Variants in GP6 observed in about 807,000 individuals in gnomAD.
GP6 encodes the protein platelet glycoprotein VI.
Under a neutral mutation model 37.3 loss-of-function variants are expected in GP6, and 45 were observed. The observed-to-expected ratio is 1.21, with a 90% CI of 0.95 to 1.55. The LOEUF (loss-of-function observed/expected upper bound fraction) is 1.55. Ranked by LOEUF, GP6 falls within the 40% of genes most tolerant of loss-of-function variation. GP6 has a pLI of 0.00. For missense variants in GP6, 813 were observed against 760.2 expected (o/e 1.07, Z -0.82); for synonymous variants, 340 against 316.4 (o/e 1.07, Z -0.79).
rs775151408 is a variant in GP6 at position 55,032,305 on chromosome 19, G to A, written c.159C>T (p.Gly53=). ...GCTTCTCCAGGCGGTACAGGTCCACGCCCGGAGGTCCCTGGCACCGGAGGG... is the reference window on the plus strand; with the variant it reads ...GCTTCTCCAGGCGGTACAGGTCCACACCCGGAGGTCCCTGGCACCGGAGGG... Residue 53 remains glycine, a synonymous_variant, in exon 3 of 8, where the codon GGC becomes GGT. Coordinates refer to ENST00000310373, the MANE Select transcript of GP6 (RefSeq NM_001083899.2). The A allele has an allele frequency of 9.9e-6, 16 of 1,614,112 alleles. No individual in the cohort carries two copies. The highest frequency in any genetic ancestry group is 1.6e-4 in the Middle Eastern group (1 of 6,062).
intron 5 of GP6, among the ~76,000 whole-genome samples, chr19:55,024,952 A>G (rs1277212274): frequency 6.6e-6 from 1 of 152,168 alleles, no homozygotes; most frequent in African/African-American, 2.4e-5. Context: ...GCTGGACTCC[A>G]CAGTATAGCA....
chr19:55,018,950 T>C, intron 5 of GP6: 3 of 592,546 alleles, frequency 5.1e-6, no homozygotes, highest in Admixed American at 2.9e-5. Flanking sequence ...TTTGCTGTTA[T>C]GAATATTGCT....
chr19:55,020,282 G>T (rs981781602), intron 5 of GP6, among the ~76,000 whole-genome samples: 1 of 151,156 alleles, frequency 6.6e-6, no homozygotes, highest in Non-Finnish European at 1.5e-5. Context: ...ATAGGTAAAC[G>T]TGTGCCATGG....
At chr19:55,027,900 C>G in intron 3 of GP6, 38 bp from the exon 4 acceptor site, 1 of 1,608,022 alleles carries the variant, frequency 6.2e-7, no homozygotes, top group South Asian at 1.1e-5. Context: ...AAGGCAGGAG[C>G]CAGCATCTCA....
At chr19:55,024,360 A>ATGCCCGCACACACG (rs796633674) in intron 5 of GP6, among the ~76,000 whole-genome samples, 1 of 130,572 alleles carries the variant, frequency 7.7e-6, no homozygotes, top group Non-Finnish European at 1.7e-5. Flanking sequence ...ACGCACACAC[A>ATGCCCGCACACACG]CATATGCACG....
chr19:55,021,318 C>T (rs749553670), intron 5 of GP6, among the ~76,000 whole-genome samples: 8 of 148,594 alleles, frequency 5.4e-5, no homozygotes, highest in African/African-American at 9.9e-5. Flanking sequence ...GAGCCGAGAT[C>T]GCACCACTGC....
chr19:55,030,656 T>TAAA (rs200492513), intron 3 of GP6, among the ~76,000 whole-genome samples: 5 of 146,824 alleles, frequency 3.4e-5, no homozygotes, highest in Non-Finnish European at 7.5e-5. Context: ...CCTCTTCTCT[T>TAAA]AAAAAAAATA....
chr19:55,029,884 C>T (rs1453842018), intron 3 of GP6, among the ~76,000 whole-genome samples: 1 of 151,690 alleles, frequency 6.6e-6, no homozygotes, highest in Non-Finnish European at 1.5e-5. Flanking sequence ...GCCAGTGATG[C>T]TGTGGAGGGG....
intron 3 of GP6, among the ~76,000 whole-genome samples, chr19:55,031,027 G>A (rs900306652): frequency 6.6e-6 from 1 of 151,392 alleles, no homozygotes; most frequent in African/African-American, 2.4e-5. Flanking sequence ...TTTTAATTTT[G>A]TTTAAAGATG....
chr19:55,024,589 C>T (rs1214559609), intron 5 of GP6, among the ~76,000 whole-genome samples: 1 of 152,132 alleles, frequency 6.6e-6, no homozygotes, highest in African/African-American at 2.4e-5. Flanking sequence ...TCTGGTACAC[C>T]GTATTCAGCT....
chr19:55,024,304 A>ACACACACGCACGCACACACACACGCACG (rs1568612810), intron 5 of GP6, among the ~76,000 whole-genome samples: 1 of 75,738 alleles, frequency 1.3e-5, no homozygotes, highest in East Asian at 6.9e-4. Flanking sequence ...ACGCATGCAC[A>ACACACACGCACGCACACACACACGCACG]CACATATGCA....
intron 1 of GP6, among the ~76,000 whole-genome samples, chr19:55,036,527 C>T (rs755334687): frequency 5.9e-5 from 9 of 151,310 alleles, no homozygotes; most frequent in African/African-American, 1.9e-4. Context: ...AGCGGACCCC[C>T]GTAACTAAAA....
At chr19:55,021,086 C>T (rs577098249) in intron 5 of GP6, among the ~76,000 whole-genome samples, 54 of 140,446 alleles carry the variant, frequency 3.8e-4, no homozygotes, top group Non-Finnish European at 6.1e-4. Context: ...GGCCCTGGTG[C>T]GGTGGCTCAC....
intron 4 of GP6, among the ~76,000 whole-genome samples, chr19:55,025,631 A>G (rs2074271399): frequency 2.0e-5 from 3 of 152,044 alleles, no homozygotes; most frequent in Admixed American, 1.3e-4. Context: ...ACTTGAACCT[A>G]GGAGGCAGAG....
intron 1 of GP6, among the ~76,000 whole-genome samples, chr19:55,037,984 A>C (rs2074902005): frequency 6.6e-6 from 1 of 151,836 alleles, no homozygotes; most frequent in African/African-American, 2.4e-5. Context: ...ATGCTAGGAT[A>C]CTCTGTTCAT....
intron 3 of GP6, among the ~76,000 whole-genome samples, chr19:55,029,212 T>C (rs902613361): frequency 1.1e-5 from 1 of 94,674 alleles, no homozygotes; most frequent in Admixed American, 1.0e-4. Context: ...GCAACTATTA[T>C]GTGTCTGTCT....
At chr19:55,036,941 G>T (rs1186275489) in intron 1 of GP6, among the ~76,000 whole-genome samples, 2 of 152,154 alleles carry the variant, frequency 1.3e-5, no homozygotes, top group African/African-American at 4.8e-5. Context: ...GACCCGGGAG[G>T]CAGAGTTTGC....
chr19:55,019,107 C>CTT (rs538058206), intron 5 of GP6, among the ~76,000 whole-genome samples: 5,232 of 132,804 alleles, frequency 0.039, 122 homozygotes, highest in Non-Finnish European at 0.041. Context: ...TCTTTTTTTT[C>CTT]TTTTTTTTTT....
At chr19:55,030,069 G>A (rs570905822) in intron 3 of GP6, among the ~76,000 whole-genome samples, 4 of 152,264 alleles carry the variant, frequency 2.6e-5, no homozygotes, top group East Asian at 1.9e-4. Flanking sequence ...AGAGTAGGTC[G>A]TTAAAACTCA....
Sources: allele counts gnomAD v4.1 joint callset (sites outside exome capture counted in the v4.1 genomes callset), GRCh38; gene constraint gnomAD v4.1.1; transcripts MANE v1.5; gene names NCBI Gene and HGNC (gene_info 2026-07-23, HGNC 2026-07-21).